Variants in FARP1 observed in about 807,000 individuals in gnomAD.
The protein encoded by FARP1 is FERM, ARHGEF and pleckstrin domain-containing protein 1.
A neutral mutation model predicts 128.8 loss-of-function variants in FARP1; 52 were observed. The observed-to-expected ratio is 0.40, with a 90% CI of 0.32 to 0.51. FARP1 has a LOEUF of 0.51. Among genes scored for constraint, FARP1 ranks in the 20% least tolerant of loss-of-function variants. The pLI, the probability that FARP1 is intolerant of heterozygous loss-of-function variation, is 0.45. For synonymous variants in FARP1, 580 were observed against 551.8 expected, an observed-to-expected ratio of 1.05 and a Z score of -0.72; for missense variants, 1,333 against 1,367.9, an observed-to-expected ratio of 0.97 and a Z score of 0.40.
intron 19 of FARP1, among the ~76,000 whole-genome samples, chr13:98,437,183 T>C (rs530600608): frequency 3.2e-4 from 48 of 152,372 alleles, no homozygotes; most frequent in African/African-American, 1.2e-3. Context: ...ATTAACTACA[T>C]TGCAGAGCAC....
chr13:98,204,467 A>G (rs1939020090), intron 1 of FARP1, among the ~76,000 whole-genome samples: 1 of 152,104 alleles, frequency 6.6e-6, no homozygotes, highest in African/African-American at 2.4e-5. Context: ...TTATTTCTAC[A>G]TTGTCAGGCA....
intron 2 of FARP1, among the ~76,000 whole-genome samples, chr13:98,254,704 A>G (rs186460838): frequency 1.3e-5 from 2 of 152,340 alleles, no homozygotes; most frequent in Non-Finnish European, 2.9e-5. Context: ...GAAACTGCTG[A>G]GAATTCAGGA....
intron 2 of FARP1, among the ~76,000 whole-genome samples, chr13:98,298,652 T>C (rs1885800661): frequency 6.6e-6 from 1 of 152,194 alleles, no homozygotes; most frequent in African/African-American, 2.4e-5. Context: ...TTTCATATCT[T>C]TTCATCAGCA....
Position 98,241,256 on chromosome 13 carries a change from T to C in FARP1, c.171+27843T>C, listed in dbSNP as rs536409895. On this transcript the variant is annotated intron_variant, in intron 2 of 26. Transcript: ENST00000319562. ...CAGAGTTCTAGGGTCCTTGGGGTGCTGCTGGCAGGACGAGCCTGAGAGCTT... is the reference window on the plus strand; with the variant it reads ...CAGAGTTCTAGGGTCCTTGGGGTGCCGCTGGCAGGACGAGCCTGAGAGCTT... Among the ~76,000 whole-genome samples, 456 of 152,104 alleles carry C rather than the reference T, an allele frequency of 3.0e-3. 3 individuals are homozygous for C. The highest frequency in any genetic ancestry group is 0.027 in the Middle Eastern group (8 of 294).
At chr13:98,186,677 T>A (rs1235435666) in intron 1 of FARP1, among the ~76,000 whole-genome samples, 1 of 152,124 alleles carries the variant, frequency 6.6e-6, no homozygotes, top group Non-Finnish European at 1.5e-5. Context: ...TTGTTGCTTC[T>A]ACGTTTTGGC....
rs1279737821 is a variant in FARP1, at chr13:98,309,235, C to T, written c.172-34527C>T. Among the ~76,000 whole-genome samples the T allele has an allele frequency of 1.3e-4, 16 of 125,326 alleles. No homozygotes were observed. In the South Asian group the frequency reaches 2.0e-3, roughly 15 times the overall value. 82.2% of individuals were successfully genotyped at this position (125,326 alleles called of 152,430 possible). On this transcript the variant is annotated intron_variant, in intron 2 of 26. Coordinates refer to ENST00000319562, the MANE Select transcript of FARP1 (RefSeq NM_005766.4). Reference sequence around the variant, plus strand: ...AGGCGGGAGTGCAGTGGCGCAATCTCGGCTCACTGCAAGCTCCGCCTCCCG... The same window carrying T: ...AGGCGGGAGTGCAGTGGCGCAATCTTGGCTCACTGCAAGCTCCGCCTCCCG...
intron 18 of FARP1, 180 bp downstream of exon 18, chr13:98,431,460 GAT>G: frequency 1.7e-5 from 7 of 410,628 alleles, no homozygotes; most frequent in East Asian, 1.1e-4. Flanking sequence ...GTTACATCTT[GAT>G]TTTTTTTTTT....
chr13:98,321,887 A>C (rs1222321283), intron 2 of FARP1, among the ~76,000 whole-genome samples: 2 of 152,244 alleles, frequency 1.3e-5, no homozygotes, highest in Admixed American at 6.5e-5. Flanking sequence ...GAAATCTTAG[A>C]TCTGCCACGT....
Position 98,153,297 on chromosome 13 carries a change from A to AATATATATATATAAAATATATAAAT in FARP1, c.-24+9811_-24+9812insATATATAAAATATATAAATATATAT, listed in dbSNP as rs375607675. On this transcript the variant is annotated intron_variant, in intron 1 of 26. Transcript: ENST00000319562. ...TTTATATATATATAAAATATATATA[A>AATATATATATATAAAATATATAAAT]ATATATTTATATATAAAATATATAA... Among the ~76,000 whole-genome samples, 26 of 115,000 alleles carry AATATATATATATAAAATATATAAAT rather than the reference A, an allele frequency of 2.3e-4. No individual in the cohort carries two copies. The South Asian group carries it at 2.8e-3, about 12-fold the overall frequency. 75.4% of individuals were successfully genotyped at this position (115,000 alleles called of 152,430 possible). A position where few individuals can be genotyped will look rare whatever the true frequency, so the allele number is the denominator to read the frequency against.
Position 98,452,091 on chromosome 13 carries a change from C to G in FARP1, c.*3774C>G, listed in dbSNP as rs116508637. ...ACACACACACAGCCACGAGTACACA[C>G]GCACGGCCACACATACACAGCAGGT... On this transcript the variant is annotated 3_prime_UTR_variant, in exon 27 of 27. Transcript: ENST00000319562. 1.3e-5 allele frequency: 2 copies of G among 152,198 alleles called. No homozygotes were observed. The highest frequency in any genetic ancestry group is 4.8e-5 in the African/African-American group (2 of 41,424). The allele number at this position is 152,198 out of a possible 1,614,324, so 9.4% of individuals were successfully genotyped here.
rs562484970 is a variant in FARP1, at chr13:98,321,177, A to G, written c.172-22585A>G. Among the ~76,000 whole-genome samples the G allele has an allele frequency of 7.7e-4, 117 of 152,302 alleles. 1 individual carries two copies. Among genetic ancestry groups the G allele is most frequent in the African/African-American group, 2.7e-3 (114 of 41,546 alleles). On this transcript the variant is annotated intron_variant, in intron 2 of 26. Transcript: ENST00000319562. The stretch of plus-strand genomic sequence containing the variant: ...ACTCTTGGTCTTTCCAGAAGAGCTG[A>G]GCTGTCACCACTGACCTTGTGGAAT...
At chr13:98,343,378 T>C (rs2139874869) in intron 2 of FARP1, among the ~76,000 whole-genome samples, 1 of 152,268 alleles carries the variant, frequency 6.6e-6, no homozygotes, top group South Asian at 2.1e-4. Flanking sequence ...TGTGTCAATA[T>C]TGGCTCCACA....
At chr13:98,193,664 G>A (rs1879386693) in intron 1 of FARP1, among the ~76,000 whole-genome samples, 1 of 152,218 alleles carries the variant, frequency 6.6e-6, no homozygotes. Flanking sequence ...CCACTTTGCT[G>A]TACCTTCATC....
chr13:98,446,612 C>T, intron 25 of FARP1, 54 bp from the exon 26 acceptor site: 1 of 1,589,882 alleles, frequency 6.3e-7, no homozygotes. Flanking sequence ...GCAGCCAGGC[C>T]CAGCAGCAGA....
At chr13:98,293,430 G>T (rs1885533355) in intron 2 of FARP1, among the ~76,000 whole-genome samples, 1 of 152,124 alleles carries the variant, frequency 6.6e-6, no homozygotes, top group Admixed American at 6.5e-5. Context: ...CTGAGGAAAG[G>T]TAGCGTGACT....
chr13:98,349,031 C>G (rs1190580277), intron 3 of FARP1, among the ~76,000 whole-genome samples: 1 of 152,216 alleles, frequency 6.6e-6, no homozygotes, highest in Non-Finnish European at 1.5e-5. Context: ...TCGGAAAGAG[C>G]TGCACAAACC....
chr13:98,244,525 G>A (rs762245450), intron 2 of FARP1: 6 of 1,613,976 alleles, frequency 3.7e-6, no homozygotes, highest in East Asian at 2.2e-5. Context: ...AAAGCCACCG[G>A]CTCCTCCTGG....
At chr13:98,373,954 CAAAT>C (rs770327979) in intron 5 of FARP1, among the ~76,000 whole-genome samples, 3 of 152,060 alleles carry the variant, frequency 2.0e-5, no homozygotes, top group Non-Finnish European at 4.4e-5. Context: ...TTAGAATAGA[CAAAT>C]GAATAAGACT....
chr13:98,220,353 G>A (rs1023966087), intron 2 of FARP1, among the ~76,000 whole-genome samples: 1 of 152,238 alleles, frequency 6.6e-6, no homozygotes, highest in East Asian at 1.9e-4. Context: ...CAGACCTGCA[G>A]GGAGGTGTGT....
Sources: allele counts gnomAD v4.1 joint callset (sites outside exome capture counted in the v4.1 genomes callset), GRCh38; gene constraint gnomAD v4.1.1; transcripts MANE v1.5; gene names NCBI Gene and HGNC (gene_info 2026-07-23, HGNC 2026-07-21).